The following RYR2 variants were observed in gnomAD, a reference collection of about 807,000 sequenced individuals.
RYR2 encodes the protein ryanodine receptor 2, also known as cardiac muscle ryanodine receptor-calcium release channel.
In RYR2, 227 loss-of-function variants were observed where a neutral mutation model predicts 601.1. The ratio of observed to expected loss-of-function variants is 0.38; its 90% CI spans 0.34 to 0.42. RYR2 has a LOEUF of 0.42. Among genes scored for constraint, RYR2 ranks in the 10% least tolerant of loss-of-function variants. The probability of loss-of-function intolerance (pLI) is 1.00; values close to 1 mark genes in which losing one functional copy is unlikely to be tolerated. For missense variants in RYR2, 4,646 were observed against 6,156.5 expected (o/e 0.75, Z 8.21); for synonymous variants, 2,223 against 2,175.1 (o/e 1.02, Z -0.61).
chr1:237,479,417 C>T (rs2150355843), intron 17 of RYR2, among the ~76,000 whole-genome samples: 1 of 152,294 alleles, frequency 6.6e-6, no homozygotes, highest in South Asian at 2.1e-4. Context: ...TCTTTGCGAT[C>T]ACTGGGAATG....
At chr1:237,371,717 A>G (rs1700657292) in intron 6 of RYR2, among the ~76,000 whole-genome samples, 1 of 152,234 alleles carries the variant, frequency 6.6e-6, no homozygotes, top group Non-Finnish European at 1.5e-5. Context: ...CTATGCAGCC[A>G]TGAAAAAGGA....
intron 1 of RYR2, among the ~76,000 whole-genome samples, chr1:237,128,347 A>G (rs1558286168): frequency 6.6e-6 from 1 of 152,186 alleles, no homozygotes; most frequent in Admixed American, 6.5e-5. Context: ...TCGGCTCAGC[A>G]TGAGAGGGAG....
chr1:237,089,348 G>T lies in RYR2; in HGVS notation c.48+46779G>T, dbSNP rs555518215. Among the ~76,000 whole-genome samples, 28 of 152,300 alleles carry T rather than the reference G, an allele frequency of 1.8e-4. No homozygotes were observed. In the South Asian group the frequency reaches 5.8e-3, roughly 32 times the overall value. On this transcript the variant is annotated intron_variant, in intron 1 of 104. Transcript: ENST00000366574. ...ATGCATTTCCAACTAAGATAGTAGT[G>T]TAGAAAAGAATAACCATTTCTTTCC...
rs891245225 is a variant in RYR2 at position 237,833,224 on chromosome 1, T to C, written c.*577T>C. ...ATTGATTTTGTGAGGTTTTTTTTTT[T>C]TCCTTTAGTCTTTTCTTTAGTGGGG... On this transcript the variant is annotated 3_prime_UTR_variant, in exon 105 of 105. Coordinates refer to ENST00000366574, the MANE Select transcript of RYR2 (RefSeq NM_001035.3). 2.0e-5 allele frequency: 3 copies of C among 151,682 alleles called. No individual in the cohort carries two copies. The highest frequency in any genetic ancestry group is 7.3e-5 in the African/African-American group (3 of 41,262). 9.4% of individuals were successfully genotyped at this position (151,682 alleles called of 1,614,324 possible).
chr1:237,614,791 GGCCCAAGGAAGGCCT>G lies in RYR2; in HGVS notation c.5666_5680del (p.Pro1889_Leu1893del), dbSNP rs781532892. The G allele has an allele frequency of 6.2e-7, 1 of 1,606,770 alleles. No individual in the cohort carries two copies. Among genetic ancestry groups the G allele is most frequent in the South Asian group, 1.1e-5 (1 of 90,444 alleles). On this transcript the variant is annotated inframe_deletion, in exon 37 of 105. Transcript: ENST00000366574. This position sits in a 1 kb window ranked among gnomAD's most constrained non-coding sequence, Gnocchi z 4.3. ...GAGGAAGAAGCCAAGGGGGGCAAGC[GGCCCAAGGAAGGCCT>G]GCTCCAAATGAAACTGCCAGAGCCA...
intron 1 of RYR2, among the ~76,000 whole-genome samples, chr1:237,067,116 C>T (rs1174344631): frequency 3.3e-5 from 5 of 152,056 alleles, no homozygotes; most frequent in Admixed American, 6.5e-5. Flanking sequence ...TCCCTCTCAA[C>T]AGTCTTTCAA....
At chr1:237,543,237 C>CTG (rs1273459755) in intron 25 of RYR2, among the ~76,000 whole-genome samples, 1 of 152,070 alleles carries the variant, frequency 6.6e-6, no homozygotes, top group Non-Finnish European at 1.5e-5. Flanking sequence ...TTCAAAGGGG[C>CTG]TGAGGGGTGT....
chr1:237,279,761 C>T (rs1690665426), intron 2 of RYR2, among the ~76,000 whole-genome samples: 1 of 152,124 alleles, frequency 6.6e-6, no homozygotes, highest in African/African-American at 2.4e-5. Flanking sequence ...AAGGGACATT[C>T]ATTAAAAAAC....
chr1:237,104,738 C>T (rs1668479695), intron 1 of RYR2, among the ~76,000 whole-genome samples: 1 of 152,150 alleles, frequency 6.6e-6, no homozygotes, highest in African/African-American at 2.4e-5. Flanking sequence ...TGTATATGTA[C>T]TTCTCTCCCC....
At chr1:237,136,008 T>C (rs56823734) in intron 1 of RYR2, among the ~76,000 whole-genome samples, 3,279 of 152,304 alleles carry the variant, frequency 0.022, 119 homozygotes, top group East Asian at 0.14. Context: ...ACTGCTGTTG[T>C]GCAGGAAAGC....
At chr1:237,216,305 C>T (rs774556679) in intron 1 of RYR2, among the ~76,000 whole-genome samples, 11 of 151,972 alleles carry the variant, frequency 7.2e-5, no homozygotes, top group Non-Finnish European at 1.5e-4. Flanking sequence ...TCAGTATTCA[C>T]CCTTGAATAT....
chr1:237,404,211 A>T (rs984380712), intron 10 of RYR2, among the ~76,000 whole-genome samples: 1 of 152,164 alleles, frequency 6.6e-6, no homozygotes, highest in Non-Finnish European at 1.5e-5. Flanking sequence ...CTGTGATTGC[A>T]ACACTGCTAC....
intron 24 of RYR2, among the ~76,000 whole-genome samples, chr1:237,521,664 G>C (rs113461429): frequency 0.022 from 3,348 of 151,846 alleles, 44 homozygotes; most frequent in African/African-American, 0.029. Flanking sequence ...AGGTTGCAGC[G>C]AGCCGAGATC....
intron 1 of RYR2, among the ~76,000 whole-genome samples, chr1:237,068,954 T>C (rs1663983090): frequency 6.6e-6 from 1 of 152,214 alleles, no homozygotes; most frequent in African/African-American, 2.4e-5. Flanking sequence ...TATCTCTTAA[T>C]ATTTGGCATA....
intron 48 of RYR2, among the ~76,000 whole-genome samples, chr1:237,646,456 C>T (rs557462952): frequency 1.8e-4 from 27 of 152,126 alleles, no homozygotes; most frequent in Non-Finnish European, 3.5e-4. Flanking sequence ...GCATTCACTG[C>T]AGAGCTTCAA....
chr1:237,609,531 GT>G (rs911149763), intron 35 of RYR2, among the ~76,000 whole-genome samples: 18 of 150,396 alleles, frequency 1.2e-4, no homozygotes, highest in Non-Finnish European at 1.8e-4. Flanking sequence ...CACCATTTTT[GT>G]TTTTTTTTAC....
chr1:237,291,477 C>G (rs979362191), intron 2 of RYR2, among the ~76,000 whole-genome samples: 1 of 152,170 alleles, frequency 6.6e-6, no homozygotes, highest in Non-Finnish European at 1.5e-5. Context: ...CCACAAACAC[C>G]TGCACATAGA....
chr1:237,252,810 G>A (rs907465553), intron 1 of RYR2, among the ~76,000 whole-genome samples: 1 of 152,122 alleles, frequency 6.6e-6, no homozygotes, highest in African/African-American at 2.4e-5. Flanking sequence ...CAAACCCTGG[G>A]TGTGTCTATT....
intron 2 of RYR2, among the ~76,000 whole-genome samples, chr1:237,281,220 T>G (rs1294662463): frequency 3.9e-5 from 6 of 152,230 alleles, no homozygotes; most frequent in Admixed American, 3.3e-4. Flanking sequence ...ACATACCTAA[T>G]TTTATACTAA....
Sources: allele counts gnomAD v4.1 joint callset (sites outside exome capture counted in the v4.1 genomes callset), GRCh38; gene constraint gnomAD v4.1.1; non-coding constraint Gnocchi (gnomAD v3.1); transcripts MANE v1.5; gene names NCBI Gene and HGNC (gene_info 2026-07-23, HGNC 2026-07-21).